KANK4: variants seen among roughly 807,000 people sequenced by gnomAD.
KANK4 encodes KN motif and ankyrin repeat domain-containing protein 4.
A neutral mutation model predicts 80.8 loss-of-function variants in KANK4; 50 were observed. The observed-to-expected ratio is 0.62, with a 90% CI of 0.49 to 0.78. The LOEUF (loss-of-function observed/expected upper bound fraction) is 0.78. KANK4 is among the 30% of genes least tolerant of loss of function. The pLI is 0.00. For missense variants in KANK4, 1,196 were observed against 1,240.1 expected (o/e 0.96, Z 0.53); for synonymous variants, 465 against 506.9 (o/e 0.92, Z 1.11).
intron 1 of KANK4, among the ~76,000 whole-genome samples, chr1:62,301,007 A>G (rs959966290): frequency 1.3e-5 from 2 of 152,072 alleles, no homozygotes; most frequent in African/African-American, 2.4e-5. Context: ...GCATAATTAC[A>G]TAACGTCTTA....
chr1:62,242,493 A>C (rs1394765768), intron 9 of KANK4, among the ~76,000 whole-genome samples: 1 of 151,582 alleles, frequency 6.6e-6, no homozygotes, highest in Non-Finnish European at 1.5e-5. Flanking sequence ...ACTATGCATC[A>C]CCCAAAGATG....
rs1036656906 is a variant in KANK4, at chr1:62,236,824, G to T, written c.*1453C>A. Among the ~76,000 whole-genome samples the T allele has an allele frequency of 1.3e-5, 2 of 151,974 alleles. No individual in the cohort carries two copies. Among genetic ancestry groups the T allele is most frequent in the African/African-American group, 2.4e-5 (1 of 41,362 alleles). On this transcript the variant is annotated 3_prime_UTR_variant, in exon 10 of 10. Transcript: ENST00000371153. ...TATGTCAGGCTGGTCTCAAACTCCC[G>T]ACCTCAGGTGATCCACCTGCCTCGG...
At chr1:62,298,833 T>C (rs1475997629) in intron 1 of KANK4, among the ~76,000 whole-genome samples, 4 of 152,222 alleles carry the variant, frequency 2.6e-5, no homozygotes, top group Admixed American at 6.5e-5. Flanking sequence ...GTTGTTTTGT[T>C]ATTATTTATT....
At chr1:62,297,779 T>C (rs1218609011) in intron 1 of KANK4, among the ~76,000 whole-genome samples, 1 of 152,222 alleles carries the variant, frequency 6.6e-6, no homozygotes, top group Non-Finnish European at 1.5e-5. Context: ...TAAAACACAA[T>C]TACTTTTCAA....
chr1:62,276,079 C>G (rs1403849535), intron 2 of KANK4, among the ~76,000 whole-genome samples: 1 of 151,926 alleles, frequency 6.6e-6, no homozygotes, highest in Non-Finnish European at 1.5e-5. Flanking sequence ...AACCCATACC[C>G]TGGGGGGCCA....
At position 62,237,984 on chromosome 1, in the gene KANK4, G is replaced by A. The variant is rs1026372904; in HGVS notation, c.*293C>T. 1 of 325,006 alleles carries A rather than the reference G, an allele frequency of 3.1e-6. No homozygotes were observed. The highest frequency in any genetic ancestry group is 5.8e-6 in the Non-Finnish European group (1 of 173,686). 20.1% of individuals were successfully genotyped at this position (325,006 alleles called of 1,614,324 possible). Reference sequence around the variant, plus strand: ...ACAATGTTACAGAGGGTAGAGTCATGAGGAATTCAAGGCTGAAGATGTTTT... The same window carrying A: ...ACAATGTTACAGAGGGTAGAGTCATAAGGAATTCAAGGCTGAAGATGTTTT... On this transcript the variant is annotated 3_prime_UTR_variant, in exon 10 of 10. Coordinates refer to ENST00000371153, the MANE Select transcript of KANK4 (RefSeq NM_181712.5).
intron 8 of KANK4, among the ~76,000 whole-genome samples, chr1:62,250,164 T>A (rs896477501): frequency 1.3e-5 from 2 of 151,600 alleles, no homozygotes; most frequent in Non-Finnish European, 2.9e-5. Context: ...TTTTTTGTAT[T>A]TTTAGTAGAG....
chr1:62,318,813 A>T (rs945214492), intron 1 of KANK4, among the ~76,000 whole-genome samples: 1 of 152,094 alleles, frequency 6.6e-6, no homozygotes, highest in Non-Finnish European at 1.5e-5. Context: ...GGGCGCGGAG[A>T]GCCAATCTGG....
chr1:62,311,618 T>A (rs1419613434), intron 1 of KANK4, among the ~76,000 whole-genome samples: 1 of 152,154 alleles, frequency 6.6e-6, no homozygotes, highest in African/African-American at 2.4e-5. Context: ...ATCAAGGGAT[T>A]CATCAGTTAG....
chr1:62,258,104 T>A (rs554936993), intron 7 of KANK4, among the ~76,000 whole-genome samples: 12 of 152,334 alleles, frequency 7.9e-5, no homozygotes, highest in Non-Finnish European at 1.5e-4. Context: ...GAATTCTGGA[T>A]TAGCTTCTTA....
At chr1:62,275,976 A>T (rs898450413) in intron 2 of KANK4, among the ~76,000 whole-genome samples, 18 of 151,902 alleles carry the variant, frequency 1.2e-4, no homozygotes, top group African/African-American at 4.3e-4. Context: ...CATTTTTCAC[A>T]CACTAGATAA....
Position 62,247,579 on chromosome 1 carries a change from C to T in KANK4, c.2776G>A (p.Asp926Asn). 6.2e-7 allele frequency: 1 copy of T among 1,614,078 alleles called. No homozygotes were observed. Among genetic ancestry groups the T allele is most frequent in the East Asian group, 2.2e-5 (1 of 44,848 alleles). The change falls in exon 9 of 10, where the codon GAC becomes AAC. Residue 926 changes from aspartate to asparagine, a missense_variant. This residue lies in a region of KANK4 where 1,154 missense variants were observed against 1,179.6 expected (regional missense o/e 0.98). Coordinates refer to ENST00000371153, the MANE Select transcript of KANK4 (RefSeq NM_181712.5). ...LSCQADVNLQ[D>N]HDGSSALMVA... ...ATGAGGGCCGAGGATCCATCGTGGT[C>T]CTGCAGATTGACATCTGCCTGGCAG...
chr1:62,268,376 G>C lies in KANK4; in HGVS notation c.2142C>G (p.Cys714Trp). ...HKHVKDAHLT[C>W]EAGQGIPEGT... is the part of the protein sequence containing the mutation. Reference sequence around the variant, plus strand: ...CCTCAGGGATGCCCTGCCCAGCCTCGCAGGTGAGATGGGCATCTTTGACAT... The same window carrying C: ...CCTCAGGGATGCCCTGCCCAGCCTCCCAGGTGAGATGGGCATCTTTGACAT... Residue 714 changes from cysteine to tryptophan, a missense_variant, in exon 5 of 10, where the codon TGC (cysteine) becomes TGG (tryptophan). Cys to Trp is a radical substitution (Grantham distance 215). Around this residue, in one of 3 missense-constraint regions of KANK4, gnomAD observed 1,154 missense variants for 1,179.6 expected, o/e 0.98. Coordinates refer to ENST00000371153, the MANE Select transcript of KANK4 (RefSeq NM_181712.5). 1 of 1,614,034 alleles carries C rather than the reference G, an allele frequency of 6.2e-7. No individual in the cohort carries two copies. Among genetic ancestry groups the C allele is most frequent in the Non-Finnish European group, 8.5e-7 (1 of 1,179,972 alleles).
At chr1:62,312,479 G>C (rs1176740078) in intron 1 of KANK4, among the ~76,000 whole-genome samples, 1 of 152,186 alleles carries the variant, frequency 6.6e-6, no homozygotes, top group Non-Finnish European at 1.5e-5. Flanking sequence ...AAGAATCTCT[G>C]TTAGATCCTT....
chr1:62,318,289 T>G (rs1644558897), intron 1 of KANK4, among the ~76,000 whole-genome samples: 1 of 152,216 alleles, frequency 6.6e-6, no homozygotes, highest in Admixed American at 6.5e-5. Flanking sequence ...GAACTAAGAC[T>G]TGAGTTTGGC....
chr1:62,254,200 T>C (rs1671695073), intron 7 of KANK4, among the ~76,000 whole-genome samples: 1 of 152,194 alleles, frequency 6.6e-6, no homozygotes, highest in Non-Finnish European at 1.5e-5. Flanking sequence ...ATTAAAACAA[T>C]TAAGAATTAC....
At chr1:62,275,951 G>A (rs891146052) in intron 2 of KANK4, among the ~76,000 whole-genome samples, 1 of 151,106 alleles carries the variant, frequency 6.6e-6, no homozygotes, top group Non-Finnish European at 1.5e-5. Context: ...AAGGAAGAGA[G>A]AAAGAAAGAA....
At chr1:62,316,588 A>G (rs879369826) in intron 1 of KANK4, among the ~76,000 whole-genome samples, 1 of 152,222 alleles carries the variant, frequency 6.6e-6, no homozygotes, top group Non-Finnish European at 1.5e-5. Flanking sequence ...AGTTTTGGAA[A>G]TGGGTTAATG....
intron 1 of KANK4, among the ~76,000 whole-genome samples, chr1:62,309,176 T>G (rs1221774518): frequency 6.6e-6 from 1 of 152,224 alleles, no homozygotes; most frequent in Non-Finnish European, 1.5e-5. Flanking sequence ...CTCTTTCAGC[T>G]TGCAGACTGT....
Sources: gnomAD v4.1 joint callset for allele counts (sites outside exome capture counted in the v4.1 genomes callset) on GRCh38, gnomAD v4.1.1 for gene constraint, gnomAD v4.1.1 regional missense constraint, MANE v1.5 for transcripts, NCBI Gene and HGNC (gene_info 2026-07-23, HGNC 2026-07-21) for gene names.